The following SH3PXD2B variants were observed in gnomAD, a reference collection of about 807,000 sequenced individuals.
SH3PXD2B encodes the protein SH3 and PX domains 2B, also known as SH3 and PX domain-containing protein 2B.
Under a neutral mutation model 73.1 loss-of-function variants are expected in SH3PXD2B, and 37 were observed. The ratio of observed to expected loss-of-function variants is 0.51; its 90% CI spans 0.39 to 0.67. The LOEUF is 0.67. Ranked by LOEUF, SH3PXD2B falls within the 30% of genes least tolerant of loss-of-function variation. The pLI is 0.00. For missense variants in SH3PXD2B, 1,053 were observed against 1,197.8 expected, an observed-to-expected ratio of 0.88 and a Z score of 1.78; for synonymous variants, 457 against 480.5, an observed-to-expected ratio of 0.95 and a Z score of 0.64.
At chr5:172,416,632 T>C (rs1273078561) in intron 2 of SH3PXD2B, among the ~76,000 whole-genome samples, 1 of 37,796 alleles carries the variant, frequency 2.6e-5, no homozygotes, top group Non-Finnish European at 4.1e-5. Context: ...GGCCTCTACT[T>C]TTTTTTTTTT....
intron 3 of SH3PXD2B, among the ~76,000 whole-genome samples, chr5:172,396,251 GTAGTCCCA>G (rs1231869199): frequency 6.7e-6 from 1 of 148,802 alleles, no homozygotes; most frequent in East Asian, 2.0e-4. Context: ...GCATGTGCCT[GTAGTCCCA>G]GCTACTCAGG....
chr5:172,416,009 C>T (rs77415873), intron 2 of SH3PXD2B, among the ~76,000 whole-genome samples: 4,890 of 152,248 alleles, frequency 0.032, 111 homozygotes, highest in African/African-American at 0.065. Flanking sequence ...GTCAGGAAAC[C>T]AAGTTGGAAG....
In SH3PXD2B at chr5:172,347,198, G is replaced by A; in HGVS notation, c.1062+85C>T. 5.2e-6 allele frequency: 7 copies of A among 1,339,640 alleles called. No homozygotes were observed. In the South Asian group the frequency reaches 7.1e-5, roughly 14 times the overall value. The allele number at this position is 1,339,640 out of a possible 1,614,324, so 83.0% of individuals were successfully genotyped here. ...GACAGGAAAGAGAGCATTTCTGGAA[G>A]GGCGAGGGGTGTGTGAGGGGCTAGT... On this transcript the variant is annotated intron_variant, in intron 11 of 12. Coordinates refer to ENST00000311601, the MANE Select transcript of SH3PXD2B (RefSeq NM_001017995.3).
intron 1 of SH3PXD2B, among the ~76,000 whole-genome samples, chr5:172,441,629 A>G (rs540194200): frequency 2.0e-5 from 3 of 152,262 alleles, no homozygotes; most frequent in Non-Finnish European, 2.9e-5. Context: ...AAAGCTGGGT[A>G]CCCTGGTGAG....
At chr5:172,435,525 C>A (rs1012147819) in intron 1 of SH3PXD2B, among the ~76,000 whole-genome samples, 5 of 152,048 alleles carry the variant, frequency 3.3e-5, no homozygotes, top group African/African-American at 1.2e-4. Flanking sequence ...CAGGCTCAAA[C>A]AATTCTCCAG....
At chr5:172,375,353 C>G (rs1339601081) in intron 5 of SH3PXD2B, among the ~76,000 whole-genome samples, 4 of 152,188 alleles carry the variant, frequency 2.6e-5, no homozygotes, top group African/African-American at 9.7e-5. Flanking sequence ...GACCGAGACT[C>G]TGTCTCAAAA....
chr5:172,386,055 G>T (rs1480858641), intron 4 of SH3PXD2B, among the ~76,000 whole-genome samples: 1 of 152,206 alleles, frequency 6.6e-6, no homozygotes, highest in Non-Finnish European at 1.5e-5. Flanking sequence ...AGAGAGGAGA[G>T]CAAGTCCTGC....
chr5:172,347,004 T>C (rs1339533589), intron 11 of SH3PXD2B, among the ~76,000 whole-genome samples: 1 of 152,136 alleles, frequency 6.6e-6, no homozygotes, highest in Non-Finnish European at 1.5e-5. Flanking sequence ...AGAAGACTGA[T>C]CTAAGACCAA....
At chr5:172,331,121 G>T (rs1756546350), downstream of SH3PXD2B, among the ~76,000 whole-genome samples, 1 of 152,194 alleles carries the variant, frequency 6.6e-6, no homozygotes, top group African/African-American at 2.4e-5. Flanking sequence ...CTTGAACCCG[G>T]GAGGCAGAGG....
In SH3PXD2B at chr5:172,335,522, T is replaced by C; in HGVS notation, c.*2847A>G. On this transcript the variant is annotated 3_prime_UTR_variant, in exon 13 of 13. Transcript: ENST00000311601. ...CCTCTGAACCTTAATTTTCTCACTA[T>C]AGATCAGGGCTGGTCCTATCCGCCT... 8 of 1,231,730 alleles carry C rather than the reference T, an allele frequency of 6.5e-6. No homozygotes were observed. Among genetic ancestry groups the C allele is most frequent in the Admixed American group, 8.4e-5 (2 of 23,710 alleles). 76.3% of individuals were successfully genotyped at this position (1,231,730 alleles called of 1,614,324 possible).
intron 4 of SH3PXD2B, among the ~76,000 whole-genome samples, chr5:172,384,735 A>G (rs1270352558): frequency 6.6e-6 from 1 of 152,164 alleles, no homozygotes; most frequent in Admixed American, 6.5e-5. Context: ...GATACACCGC[A>G]TTTTGCTTAT....
In SH3PXD2B at chr5:172,338,912, C is replaced by A. The variant is rs1299614380; in HGVS notation, c.2193G>T (p.Arg731Ser). The change falls in exon 13 of 13, where the codon AGG becomes AGT. Residue 731 changes from arginine to serine, a missense_variant. Transcript: ENST00000311601. The surrounding 1 kb of genome is among the most constrained non-coding windows in gnomAD (Gnocchi z 5.1). ...PKEISCRAPP[R>S]PAKTTDPVSK... ...ACACAGGATCTGTGGTCTTGGCTGG[C>A]CTCGGAGGGGCTCTGCAGGAAATCT... The A allele has an allele frequency of 9.9e-6, 16 of 1,614,022 alleles. No homozygotes were observed. Among genetic ancestry groups the A allele is most frequent in the Non-Finnish European group, 1.3e-5 (15 of 1,179,902 alleles).
intron 1 of SH3PXD2B, among the ~76,000 whole-genome samples, chr5:172,424,389 C>G (rs1156895981): frequency 6.6e-6 from 1 of 152,188 alleles, no homozygotes; most frequent in South Asian, 2.1e-4. Flanking sequence ...AGAACAAAGA[C>G]CAGCTCAGGG....
intron 8 of SH3PXD2B, among the ~76,000 whole-genome samples, chr5:172,354,981 G>C (rs1414603395): frequency 1.3e-5 from 2 of 152,162 alleles, no homozygotes; most frequent in Non-Finnish European, 2.9e-5. Context: ...GTGTCCCACA[G>C]AGCTAGAACA....
In SH3PXD2B at chr5:172,445,036, G is replaced by C. The variant is rs1431439904; in HGVS notation, c.75+9242C>G. ...CATGTGCCAGGGTTTCCATTTCTTT[G>C]CCCTCCTGTTCTCTCTACCTGTAAC... is the stretch of plus-strand genomic sequence containing the variant. On this transcript the variant is annotated intron_variant, in intron 1 of 12. Coordinates refer to ENST00000311601, the MANE Select transcript of SH3PXD2B (RefSeq NM_001017995.3). This position sits in a 1 kb window ranked among gnomAD's most constrained non-coding sequence, Gnocchi z 5.2. 6.6e-6 allele frequency among the ~76,000 whole-genome samples: 1 copy of C among 152,046 alleles called. No individual in the cohort carries two copies. Among genetic ancestry groups the C allele is most frequent in the Admixed American group, 6.5e-5 (1 of 15,274 alleles).
At chr5:172,408,041 C>T (rs1160234719) in intron 2 of SH3PXD2B, among the ~76,000 whole-genome samples, 2 of 152,184 alleles carry the variant, frequency 1.3e-5, no homozygotes, top group African/African-American at 4.8e-5. Context: ...TGGTGCTGTT[C>T]TACACGATGC....
chr5:172,370,452 T>C (rs1276640009), intron 6 of SH3PXD2B, among the ~76,000 whole-genome samples: 1 of 152,098 alleles, frequency 6.6e-6, no homozygotes, highest in African/African-American at 2.4e-5. Flanking sequence ...AACCAAGGAA[T>C]CATGAGATTT....
In SH3PXD2B at chr5:172,406,336, T is replaced by C; in HGVS notation, c.173A>G (p.Lys58Arg). Residue 58 changes from lysine to arginine, a missense_variant, in exon 3 of 13, where the codon AAA becomes AGA. Lys to Arg is a conservative substitution (Grantham distance 26). Transcript: ENST00000311601. ...CTTCTGTCCTCCTTCCATGGGAAAT[T>C]TGTCCAACATCTGCATCTAAGTGGG... The part of the protein sequence containing the change: ...FFDLQMQMLD[K>R]FPMEGGQKDP... 7 of 1,614,116 alleles carry C rather than the reference T, an allele frequency of 4.3e-6. No individual in the cohort carries two copies. Among genetic ancestry groups the C allele is most frequent in the African/African-American group, 1.3e-5 (1 of 75,030 alleles).
intron 1 of SH3PXD2B, among the ~76,000 whole-genome samples, chr5:172,430,764 C>G (rs1250377239): frequency 6.6e-6 from 1 of 152,228 alleles, no homozygotes; most frequent in Non-Finnish European, 1.5e-5. Context: ...GCCAGGGCCT[C>G]CAAAAGCCAC....
Sources: allele counts gnomAD v4.1 joint callset (sites outside exome capture counted in the v4.1 genomes callset), GRCh38; gene constraint gnomAD v4.1.1; non-coding constraint Gnocchi (gnomAD v3.1); transcripts MANE v1.5; gene names NCBI Gene and HGNC (gene_info 2026-07-23, HGNC 2026-07-21).